ORC5: variants seen among roughly 807,000 people sequenced by gnomAD.
ORC5 encodes the protein origin recognition complex subunit 5, also known as protein phosphatase 1, regulatory subunit 117.
A neutral mutation model predicts 58.8 loss-of-function variants in ORC5; 39 were observed. That is an observed-to-expected ratio of 0.66 (90% CI 0.51 to 0.87). ORC5 has a LOEUF of 0.87. Among genes scored for constraint, ORC5 ranks in the 40% least tolerant of loss-of-function variants. The pLI, the probability that ORC5 is intolerant of heterozygous loss-of-function variation, is 0.00. For missense variants in ORC5, 493 were observed against 506.3 expected (o/e 0.97, Z 0.25); for synonymous variants, 218 against 177.6 (o/e 1.23, Z -1.81).
At chr7:104,186,996 TATTTTCCCTAA>T (rs952092752) in intron 6 of ORC5, among the ~76,000 whole-genome samples, 3 of 152,210 alleles carry the variant, frequency 2.0e-5, no homozygotes, top group African/African-American at 7.2e-5. Flanking sequence ...TTCCCATAAA[TATTTTCCCTAA>T]ATTTTTCCTT....
intron 12 of ORC5, among the ~76,000 whole-genome samples, chr7:104,157,139 G>C (rs953781749): frequency 6.6e-6 from 1 of 151,920 alleles, no homozygotes; most frequent in African/African-American, 2.4e-5. Context: ...AGGTCACTGG[G>C]AGTCAATGGG....
chr7:104,176,446 GCTAT>G (rs1373427357), intron 8 of ORC5, among the ~76,000 whole-genome samples: 1 of 152,162 alleles, frequency 6.6e-6, no homozygotes, highest in Non-Finnish European at 1.5e-5. Flanking sequence ...TTCGGTGTCT[GCTAT>G]CTGTCATGTG....
intron 10 of ORC5, among the ~76,000 whole-genome samples, chr7:104,166,000 C>T (rs1584496720): frequency 1.3e-5 from 2 of 152,000 alleles, no homozygotes; most frequent in East Asian, 1.9e-4. Flanking sequence ...CACCACTGCA[C>T]TCTGGCCTGG....
intron 12 of ORC5, among the ~76,000 whole-genome samples, chr7:104,151,269 G>A (rs574391503): frequency 2.0e-5 from 3 of 152,096 alleles, no homozygotes; most frequent in Admixed American, 6.5e-5. Context: ...GCTGATGACC[G>A]TATGGATGAT....
chr7:104,206,634 T>C (rs929062810), intron 1 of ORC5, among the ~76,000 whole-genome samples: 1 of 152,162 alleles, frequency 6.6e-6, no homozygotes, highest in African/African-American at 2.4e-5. Context: ...AGACAGAGGG[T>C]AGTACTTTTC....
In ORC5 at chr7:104,164,391, T is replaced by G. The variant is rs188808701; in HGVS notation, c.1038+844A>C. On this transcript the variant is annotated intron_variant, in intron 11 of 13. Coordinates refer to ENST00000297431, the MANE Select transcript of ORC5 (RefSeq NM_002553.4). ...GTGAGCCATGATCACGCCATTGCAC[T>G]GCAGCATGGGTGACTGAGACCCTAC... 3.0e-4 allele frequency among the ~76,000 whole-genome samples: 46 copies of G among 152,334 alleles called. 1 individual carries two copies. The highest frequency in any genetic ancestry group is 1.1e-3 in the African/African-American group (46 of 41,588).
At chr7:104,179,966 T>G (rs1799401692) in intron 8 of ORC5, among the ~76,000 whole-genome samples, 2 of 152,226 alleles carry the variant, frequency 1.3e-5, no homozygotes, top group South Asian at 2.1e-4. Flanking sequence ...AGTCTAACTC[T>G]AAAATGTTTG....
At chr7:104,191,437 G>A (rs1008922557) in intron 5 of ORC5, among the ~76,000 whole-genome samples, 2 of 152,094 alleles carry the variant, frequency 1.3e-5, no homozygotes, top group Admixed American at 6.6e-5. Context: ...CTGGAAAACA[G>A]TTGAGTCTCC....
In ORC5 at chr7:104,184,003, C is replaced by T; in HGVS notation, c.764G>A (p.Arg255Lys). The change falls in exon 8 of 14, where the codon AGA (arginine) becomes AAA (lysine). Residue 255 changes from arginine to lysine, a missense_variant. By Grantham distance (26) the Arg-to-Lys change is conservative (BLOSUM62 2). Transcript: ENST00000297431. ...TTTCTTCAAATGAGGTTCAATATTTCTCCACAGTTTGCGAGTATCACGTTC... is the reference window on the plus strand; with the variant it reads ...TTTCTTCAAATGAGGTTCAATATTTTTCCACAGTTTGCGAGTATCACGTTC... ...ASERDTRKLW[R>K]NIEPHLKKAM... The T allele has an allele frequency of 6.2e-7, 1 of 1,613,636 alleles. No homozygotes were observed. Among genetic ancestry groups the T allele is most frequent in the Non-Finnish European group, 8.5e-7 (1 of 1,179,788 alleles).
chr7:104,183,411 G>C (rs545919224), intron 8 of ORC5, among the ~76,000 whole-genome samples: 61 of 152,236 alleles, frequency 4.0e-4, no homozygotes, highest in African/African-American at 1.4e-3. Context: ...CAGGATGACT[G>C]ATCAGCAATG....
chr7:104,134,105 T>C (rs1229477935), intron 13 of ORC5, among the ~76,000 whole-genome samples: 3 of 151,990 alleles, frequency 2.0e-5, no homozygotes, highest in African/African-American at 7.2e-5. Flanking sequence ...GGCGTTAGAA[T>C]GTGGGGTTTA....
At chr7:104,187,787 G>A in intron 6 of ORC5, 3 of 983,164 alleles carry the variant, frequency 3.1e-6, no homozygotes, top group Non-Finnish European at 2.4e-6. Context: ...GTTAATGAAA[G>A]ACCTGCAATG....
chr7:104,182,616 C>A (rs954118833), intron 8 of ORC5, among the ~76,000 whole-genome samples: 1 of 151,698 alleles, frequency 6.6e-6, no homozygotes, highest in Non-Finnish European at 1.5e-5. Flanking sequence ...AAGCTGTACC[C>A]GAATAAATTC....
chr7:104,158,467 T>C (rs369613591), intron 12 of ORC5, among the ~76,000 whole-genome samples: 4,070 of 151,254 alleles, frequency 0.027, 159 homozygotes, highest in African/African-American at 0.095. Flanking sequence ...AAAGCCAAAA[T>C]TGACAAATGG....
chr7:104,166,873 G>A lies in ORC5; in HGVS notation c.889C>T (p.His297Tyr), dbSNP rs984766934. The A allele has an allele frequency of 1.9e-6, 3 of 1,587,918 alleles. No individual in the cohort carries two copies. The African/African-American group carries it at 4.0e-5, about 21-fold the overall frequency. The part of the protein sequence containing the change: ...DPGQLKGLSA[H>Y]THVELPYYSK... ...TAATATGGAAGTTCCACATGAGTATGCGCTGAGAGGCCTATATAACAAAAC... is the reference window on the plus strand; with the variant it reads ...TAATATGGAAGTTCCACATGAGTATACGCTGAGAGGCCTATATAACAAAAC... The change falls in exon 10 of 14, where the codon CAT becomes TAT. Residue 297 changes from histidine to tyrosine, a missense_variant. Physicochemically the swap from His to Tyr is moderately conservative, Grantham distance 83 (BLOSUM62 2). This residue lies in a region of ORC5 where 412 missense variants were observed against 403.7 expected (regional missense o/e 1.02). Coordinates refer to ENST00000297431, the MANE Select transcript of ORC5 (RefSeq NM_002553.4).
chr7:104,156,526 A>C (rs978508691), intron 12 of ORC5, among the ~76,000 whole-genome samples: 5 of 151,352 alleles, frequency 3.3e-5, no homozygotes, highest in African/African-American at 1.2e-4. Context: ...AGAATAGATT[A>C]GATTTGAAAT....
intron 12 of ORC5, among the ~76,000 whole-genome samples, chr7:104,145,257 T>A (rs10487184): frequency 0.053 from 8,082 of 152,250 alleles, 706 homozygotes; most frequent in African/African-American, 0.18. Flanking sequence ...ACCCTTCTTA[T>A]TCAGTGACAC....
At position 104,165,228 on chromosome 7, in the gene ORC5, T is replaced by TA; in HGVS notation, c.1038+6dup. The TA allele has an allele frequency of 7.1e-7, 1 of 1,400,944 alleles. No individual in the cohort carries two copies. Among genetic ancestry groups the TA allele is most frequent in the Non-Finnish European group, 9.9e-7 (1 of 1,005,416 alleles). 86.8% of individuals were successfully genotyped at this position (1,400,944 alleles called of 1,614,324 possible). On this transcript the variant is annotated splice_region_variant and intron_variant, in intron 11 of 13. Coordinates refer to ENST00000297431, the MANE Select transcript of ORC5 (RefSeq NM_002553.4). ...GTTTCTTCCATTAGAAATTAAAATG[T>TA]AAATACCTTTTCGTGTTTTTTTAGA...
chr7:104,176,537 C>G (rs367967771), intron 8 of ORC5, among the ~76,000 whole-genome samples: 68 of 151,570 alleles, frequency 4.5e-4, no homozygotes, highest in East Asian at 2.5e-3. Flanking sequence ...TACGATCTCT[C>G]TGCTTTAATG....
Sources: gnomAD v4.1 joint callset for allele counts (sites outside exome capture counted in the v4.1 genomes callset) on GRCh38, gnomAD v4.1.1 for gene constraint, gnomAD v4.1.1 regional missense constraint, MANE v1.5 for transcripts, NCBI Gene and HGNC (gene_info 2026-07-23, HGNC 2026-07-21) for gene names.